YIPF6: variants seen among roughly 807,000 people sequenced by gnomAD.
YIPF6 encodes the protein protein YIPF6.
YIPF6 carries 3 observed loss-of-function variants against 16.8 expected under a neutral mutation model. The ratio of observed to expected loss-of-function variants is 0.18; its 90% CI spans 0.08 to 0.46. The LOEUF (loss-of-function observed/expected upper bound fraction) is 0.46, where lower values mean the gene tolerates loss of function less well. Among genes scored for constraint, YIPF6 ranks in the 20% least tolerant of loss-of-function variants. The pLI is 0.98. For synonymous variants in YIPF6, 67 were observed against 61.9 expected (o/e 1.08, Z -0.38); for missense variants, 145 against 184.9 (o/e 0.78, Z 1.25).
intron 5 of YIPF6, 79 bp downstream of exon 5, chrX:68,521,576 AT>A (rs772480115): frequency 0.17 from 127,898 of 738,252 alleles, no homozygotes; most frequent in East Asian, 0.2. Flanking sequence ...GGCTAGCTAG[AT>A]TTTTTTTTTT....
intron 3 of YIPF6, among the ~76,000 whole-genome samples, chrX:68,518,165 G>A (rs562148571): frequency 4.0e-4 from 43 of 107,129 alleles, no homozygotes; most frequent in African/African-American, 1.2e-3. Flanking sequence ...CCAGCTACTC[G>A]GGAGGCTGAG....
chrX:68,512,053 C>T lies in YIPF6; in HGVS notation c.186+76C>T, dbSNP rs2079083045. The T allele has an allele frequency of 6.1e-6, 6 of 991,505 alleles. No individual in the cohort carries two copies. In the South Asian group the frequency reaches 1.3e-4, roughly 22 times the overall value. The allele number at this position is 991,505 out of a possible 1,213,427, so 81.7% of individuals were successfully genotyped here. A position where few individuals can be genotyped will look rare whatever the true frequency, so the allele number is the denominator to read the frequency against. ...AACTAATAGTACTTTGCAATATTTT[C>T]ATTTGGTTCACTGATTTTGAATATA... On this transcript the variant is annotated intron_variant, in intron 2 of 6. Transcript: ENST00000462683.
rs1267617725 is a variant in YIPF6, at chrX:68,533,226, C to T, written c.*1227C>T. On this transcript the variant is annotated 3_prime_UTR_variant, in exon 7 of 7. Transcript: ENST00000462683. ...TAGATAAGTACATGTTGCACATGTGCACCTACTTGTAATCTCAGATATTTA... is the reference window on the plus strand; with the variant it reads ...TAGATAAGTACATGTTGCACATGTGTACCTACTTGTAATCTCAGATATTTA... 2.7e-5 allele frequency: 3 copies of T among 111,594 alleles called. No individual in the cohort carries two copies. The highest frequency in any genetic ancestry group is 1.9e-4 in the Admixed American group (2 of 10,490). 9.2% of individuals were successfully genotyped at this position (111,594 alleles called of 1,213,427 possible).
intron 1 of YIPF6, among the ~76,000 whole-genome samples, chrX:68,504,849 C>G (rs997627890): frequency 1.8e-5 from 2 of 112,274 alleles, no homozygotes; most frequent in Non-Finnish European, 3.8e-5. Context: ...GATTTGAACT[C>G]AGGCTATTTG....
At position 68,535,335 on chromosome X, in the gene YIPF6, A is replaced by G. The variant is rs1190647017; in HGVS notation, c.*3336A>G. On this transcript the variant is annotated 3_prime_UTR_variant, in exon 7 of 7. Coordinates refer to ENST00000462683, the MANE Select transcript of YIPF6 (RefSeq NM_173834.4). ...TGCTTTATATAATGTAACTACTAAC[A>G]GTATTTGGACTGCCTGTTCATTCCT... 1 of 112,383 alleles carries G rather than the reference A, an allele frequency of 8.9e-6. No homozygotes were observed. The highest frequency in any genetic ancestry group is 3.2e-5 in the African/African-American group (1 of 30,932). 9.3% of individuals were successfully genotyped at this position (112,383 alleles called of 1,213,427 possible). A position where few individuals can be genotyped will look rare whatever the true frequency, so the allele number is the denominator to read the frequency against.
chrX:68,536,812 T>G lies in YIPF6; in HGVS notation c.*4813T>G, dbSNP rs1049458130. ...ACCACCACACATATATACCCCTTTTTCTCAGTCTTAAGCATCAAACAATTT... is the reference window on the plus strand; with the variant it reads ...ACCACCACACATATATACCCCTTTTGCTCAGTCTTAAGCATCAAACAATTT... On this transcript the variant is annotated 3_prime_UTR_variant, in exon 7 of 7. Coordinates refer to ENST00000462683, the MANE Select transcript of YIPF6 (RefSeq NM_173834.4). 2.7e-5 allele frequency: 3 copies of G among 112,087 alleles called. No individual in the cohort carries two copies. Among genetic ancestry groups the G allele is most frequent in the African/African-American group, 9.7e-5 (3 of 30,802 alleles). The allele number at this position is 112,087 out of a possible 1,213,427, so 9.2% of individuals were successfully genotyped here.
chrX:68,520,602 G>C (rs749133742), intron 4 of YIPF6, among the ~76,000 whole-genome samples: 2 of 111,349 alleles, frequency 1.8e-5, no homozygotes, highest in Non-Finnish European at 3.8e-5. Flanking sequence ...CTTTCTAGTA[G>C]CTAGGACTAT....
chrX:68,504,913 G>A (rs2079054046), intron 1 of YIPF6, among the ~76,000 whole-genome samples: 1 of 111,927 alleles, frequency 8.9e-6, no homozygotes, highest in South Asian at 3.7e-4. Context: ...TTGAGTATGT[G>A]CTAGGTGCTG....
Position 68,534,370 on chromosome X carries a change from C to CTA in YIPF6, c.*2374_*2375dup, listed in dbSNP as rs2147829702. The CTA allele has an allele frequency of 9.0e-6, 1 of 111,096 alleles. No individual in the cohort carries two copies. The highest frequency in any genetic ancestry group is 3.8e-4 in the South Asian group (1 of 2,654). The allele number at this position is 111,096 out of a possible 1,213,427, so 9.2% of individuals were successfully genotyped here. A position where few individuals can be genotyped will look rare whatever the true frequency, so the allele number is the denominator to read the frequency against. ...TCAAATCCTAGAAAACGTAGCATGC[C>CTA]TATACATGATGTTAACATCATTCTC... On this transcript the variant is annotated 3_prime_UTR_variant, in exon 7 of 7. Coordinates refer to ENST00000462683, the MANE Select transcript of YIPF6 (RefSeq NM_173834.4).
chrX:68,515,832 A>T (rs1414575149), intron 3 of YIPF6, among the ~76,000 whole-genome samples: 1 of 111,170 alleles, frequency 9.0e-6, no homozygotes, highest in Non-Finnish European at 1.9e-5. Context: ...GCTAATTTTT[A>T]AATTTTTTTG....
intron 6 of YIPF6, among the ~76,000 whole-genome samples, chrX:68,530,527 T>G (rs1219286557): frequency 9.0e-6 from 1 of 111,064 alleles, no homozygotes; most frequent in Non-Finnish European, 1.9e-5. Context: ...AAAAAACTCC[T>G]GCAGCTAGCT....
intron 1 of YIPF6, among the ~76,000 whole-genome samples, chrX:68,500,397 C>T (rs901238876): frequency 1.8e-5 from 2 of 110,606 alleles, no homozygotes; most frequent in African/African-American, 6.6e-5. Flanking sequence ...CTCACTGCAA[C>T]CTCCACCTCT....
At chrX:68,514,344 A>G (rs1489142535) in intron 3 of YIPF6, 2 of 110,199 alleles carry the variant, frequency 1.8e-5, no homozygotes, top group Non-Finnish European at 3.8e-5. Flanking sequence ...ATTACATAAT[A>G]TTCCTGGAAG....
intron 4 of YIPF6, among the ~76,000 whole-genome samples, chrX:68,519,164 T>C (rs943943933): frequency 4.5e-5 from 5 of 112,191 alleles, no homozygotes; most frequent in African/African-American, 6.5e-5. Context: ...GTAATCTTAC[T>C]AAAAATATGA....
At chrX:68,518,931 A>G in intron 4 of YIPF6, 119 bp downstream of exon 4, 2 of 652,890 alleles carry the variant, frequency 3.1e-6, no homozygotes, top group South Asian at 3.7e-5. Flanking sequence ...GACATGTTGT[A>G]CATGTTATAC....
intron 6 of YIPF6, among the ~76,000 whole-genome samples, chrX:68,528,459 T>C (rs985822825): frequency 2.8e-4 from 31 of 112,157 alleles, no homozygotes; most frequent in Non-Finnish European, 5.6e-4. Flanking sequence ...TGTCTTTTAA[T>C]TGGGGCATTT....
intron 1 of YIPF6, 132 bp downstream of exon 1, chrX:68,499,255 A>G (rs2079031770): frequency 2.3e-6 from 2 of 855,983 alleles, no homozygotes; most frequent in Admixed American, 4.0e-5. Flanking sequence ...ACCCGATGCC[A>G]GAACCAGTCC....
At chrX:68,512,199 C>A (rs958828278) in intron 2 of YIPF6, among the ~76,000 whole-genome samples, 1 of 111,512 alleles carries the variant, frequency 9.0e-6, no homozygotes, top group Non-Finnish European at 1.9e-5. Flanking sequence ...GTGGCTCGCG[C>A]CTGTAATCTC....
In YIPF6 at chrX:68,522,925, T is replaced by C; in HGVS notation, c.592+8T>C. The C allele has an allele frequency of 8.3e-7, 1 of 1,208,337 alleles. No homozygotes were observed. Among genetic ancestry groups the C allele is most frequent in the Non-Finnish European group, 1.1e-6 (1 of 894,497 alleles). Reference sequence around the variant, plus strand: ...TTGCCTGGTCTATAGTTGGTAAGTATGTACTTATTTCCACAATAACAGAAC... The same window carrying C: ...TTGCCTGGTCTATAGTTGGTAAGTACGTACTTATTTCCACAATAACAGAAC... On this transcript the variant is annotated splice_region_variant and intron_variant, in intron 6 of 6. Coordinates refer to ENST00000462683, the MANE Select transcript of YIPF6 (RefSeq NM_173834.4).
Sources: gnomAD v4.1 joint callset for allele counts (sites outside exome capture counted in the v4.1 genomes callset) on GRCh38, gnomAD v4.1.1 for gene constraint, MANE v1.5 for transcripts, NCBI Gene and HGNC (gene_info 2026-07-23, HGNC 2026-07-21) for gene names.